NFIB: variants seen among roughly 807,000 people sequenced by gnomAD.
NFIB encodes nuclear factor 1 B-type.
In NFIB, 11 loss-of-function variants were observed where a neutral mutation model predicts 61.5. The observed-to-expected ratio is 0.18, with a 90% confidence interval of 0.11 to 0.30. NFIB has a LOEUF of 0.30. Among genes scored for constraint, NFIB ranks in the 10% least tolerant of loss-of-function variants. The probability of loss-of-function intolerance (pLI) is 1.00; values close to 1 mark genes in which losing one functional copy is unlikely to be tolerated. For synonymous variants in NFIB, 260 were observed against 216.5 expected (o/e 1.20, Z -1.76); for missense variants, 471 against 608.9 (o/e 0.77, Z 2.38).
chr9:14,206,266 C>T (rs1019696856), intron 2 of NFIB, among the ~76,000 whole-genome samples: 1 of 151,672 alleles, frequency 6.6e-6, no homozygotes, highest in Non-Finnish European at 1.5e-5. Flanking sequence ...ACCTCCGCCT[C>T]CCAAGGTTCA....
At chr9:14,484,000 T>A in the NFIB span, among the ~76,000 whole-genome samples, 1 of 152,154 alleles carries the variant, frequency 6.6e-6, no homozygotes. Flanking sequence ...ACACCAACAG[T>A]TTATATTGAA....
intron 2 of NFIB, among the ~76,000 whole-genome samples, chr9:14,203,345 A>G (rs1277066326): frequency 2.0e-5 from 3 of 152,364 alleles, no homozygotes; most frequent in East Asian, 3.9e-4. Flanking sequence ...TCTTAGCAAT[A>G]AAGTTTATTA....
chr9:14,347,628 C>A (rs1226401577), intron 1 of NFIB, among the ~76,000 whole-genome samples: 1 of 141,000 alleles, frequency 7.1e-6, no homozygotes, highest in African/African-American at 2.6e-5. Flanking sequence ...GCTCCCTAGG[C>A]GGTTGAAGAT....
chr9:14,113,730 A>G (rs1480278444), intron 9 of NFIB, among the ~76,000 whole-genome samples: 2 of 152,226 alleles, frequency 1.3e-5, no homozygotes, highest in Non-Finnish European at 2.9e-5. Flanking sequence ...ACATACAAAA[A>G]TCAATTACTT....
the NFIB span, among the ~76,000 whole-genome samples, chr9:14,521,419 T>A: frequency 3.9e-5 from 6 of 152,154 alleles, no homozygotes; most frequent in Non-Finnish European, 7.4e-5. Flanking sequence ...TGACTTTTAA[T>A]CCTGGCACTG....
intron 2 of NFIB, among the ~76,000 whole-genome samples, chr9:14,186,029 T>C (rs541016556): frequency 6.6e-6 from 1 of 152,338 alleles, no homozygotes; most frequent in Admixed American, 6.5e-5. Context: ...AAACTTCTTT[T>C]AGGAACTCTT....
chr9:14,526,636 C>T, the NFIB span, among the ~76,000 whole-genome samples: 3 of 152,164 alleles, frequency 2.0e-5, no homozygotes, highest in African/African-American at 7.2e-5. Flanking sequence ...CCCCTCAGAA[C>T]AATATGTATT....
At chr9:14,356,289 C>T (rs1588360833) in intron 1 of NFIB, among the ~76,000 whole-genome samples, 2 of 152,260 alleles carry the variant, frequency 1.3e-5, no homozygotes, top group East Asian at 3.9e-4. Flanking sequence ...AGATACTCCC[C>T]AGGATGTTAT....
intron 10 of NFIB, among the ~76,000 whole-genome samples, chr9:14,091,314 TTTAA>T (rs1421419642): frequency 5.3e-5 from 8 of 152,102 alleles, no homozygotes; most frequent in Admixed American, 3.3e-4. Flanking sequence ...AATAAATATA[TTTAA>T]TTAAAGTAAT....
chr9:14,104,569 TTTTG>T, intron 10 of NFIB, among the ~76,000 whole-genome samples: 1 of 151,906 alleles, frequency 6.6e-6, no homozygotes, highest in African/African-American at 2.4e-5. Flanking sequence ...AATGGAAGGG[TTTTG>T]TTTAATTTTT....
chr9:14,438,538 C>A, the NFIB span, among the ~76,000 whole-genome samples: 4 of 152,174 alleles, frequency 2.6e-5, no homozygotes, highest in African/African-American at 9.7e-5. Context: ...AGTCAGAAAT[C>A]TTGCTGTGGG....
chr9:14,473,841 T>C, the NFIB span, among the ~76,000 whole-genome samples: 1 of 152,234 alleles, frequency 6.6e-6, no homozygotes, highest in Non-Finnish European at 1.5e-5. Context: ...TTTCCAGTTA[T>C]GCAAAGGGAA....
At chr9:14,256,695 G>A (rs1012417136) in intron 2 of NFIB, among the ~76,000 whole-genome samples, 1 of 152,170 alleles carries the variant, frequency 6.6e-6, no homozygotes, top group African/African-American at 2.4e-5. Flanking sequence ...TAATCACTGT[G>A]AGCTCATAAA....
chr9:14,166,585 C>A (rs192224952), intron 3 of NFIB, among the ~76,000 whole-genome samples: 1 of 152,136 alleles, frequency 6.6e-6, no homozygotes. Flanking sequence ...TAGCATTAGT[C>A]CTTTTAATCC....
intron 2 of NFIB, among the ~76,000 whole-genome samples, chr9:14,259,156 C>T (rs1479002937): frequency 6.6e-6 from 1 of 152,110 alleles, no homozygotes; most frequent in African/African-American, 2.4e-5. Context: ...TTCATTGTTA[C>T]ATACAAAGCT....
chr9:14,481,195 GTGTATA>G, the NFIB span, among the ~76,000 whole-genome samples: 698 of 35,034 alleles, frequency 0.02, 12 homozygotes, highest in African/African-American at 0.061. Context: ...GTGTGTGTGT[GTGTATA>G]TATATATATA....
chr9:14,475,913 A>C, the NFIB span, among the ~76,000 whole-genome samples: 5 of 152,204 alleles, frequency 3.3e-5, no homozygotes, highest in Non-Finnish European at 7.3e-5. Flanking sequence ...TCAATTTGGT[A>C]GATCTTCCCC....
intron 2 of NFIB, among the ~76,000 whole-genome samples, chr9:14,226,411 G>C (rs1167272159): frequency 2.0e-5 from 3 of 151,868 alleles, no homozygotes; most frequent in Non-Finnish European, 4.4e-5. Flanking sequence ...GGCCGGGCAG[G>C]GTGGCATGCA....
intron 10 of NFIB, among the ~76,000 whole-genome samples, chr9:14,103,960 C>T (rs972029539): frequency 6.6e-6 from 1 of 151,704 alleles, no homozygotes; most frequent in Non-Finnish European, 1.5e-5. Context: ...CTTCATCACC[C>T]AGGCTGGAAT....
Sources: gnomAD v4.1 joint callset for allele counts (sites outside exome capture counted in the v4.1 genomes callset) on GRCh38, gnomAD v4.1.1 for gene constraint, MANE v1.5 for transcripts, NCBI Gene and HGNC (gene_info 2026-07-23, HGNC 2026-07-21) for gene names.